The following AAR2 variants were observed in gnomAD, a reference collection of about 807,000 sequenced individuals.
The protein encoded by AAR2 is AAR2 splicing factor.
Under a neutral mutation model 26.9 loss-of-function variants are expected in AAR2, and 31 were observed. That is an observed-to-expected ratio of 1.15 (90% CI 0.86 to 1.55). The LOEUF is 1.55. AAR2 is among the 40% of genes most tolerant of loss of function. AAR2 has a pLI of 0.00. For synonymous variants in AAR2, 188 were observed against 196.1 expected (o/e 0.96, Z 0.34); for missense variants, 430 against 491.3 (o/e 0.88, Z 1.18).
In AAR2 at chr20:36,244,737, T is replaced by C. The variant is rs778970346; in HGVS notation, c.798T>C (p.Asn266=). 1 of 1,614,176 alleles carries C rather than the reference T, an allele frequency of 6.2e-7. No individual in the cohort carries two copies. The highest frequency in any genetic ancestry group is 1.7e-5 in the Admixed American group (1 of 60,022). ...CTTTTGTGTGCTTCCTGCTGGGGAA[T>C]GTGTACGAGGCATTTGAGCATTGGA... ...QFAFVCFLLG[N]VYEAFEHWKR... Residue 266 remains asparagine, a synonymous_variant, in exon 3 of 4, where the codon AAT becomes AAC. Transcript: ENST00000320849.
chr20:36,240,301 G>C lies in AAR2; in HGVS notation c.433G>C (p.Val145Leu). The change falls in exon 2 of 4, where the codon GTG becomes CTG. Residue 145 changes from valine (V) to leucine (L), a missense_variant. Val to Leu is a conservative substitution (Grantham distance 32, BLOSUM62 1). Coordinates refer to ENST00000320849, the MANE Select transcript of AAR2 (RefSeq NM_001271874.2). Reference sequence around the variant, plus strand: ...CACCAACTTCATCAGCGAAGCCACAGTGGAGAAGCTACAGCCCGAGAATCG... The same window carrying C: ...CACCAACTTCATCAGCGAAGCCACACTGGAGAAGCTACAGCCCGAGAATCG... ...SLTNFISEAT[V>L]EKLQPENRQI... 2 of 1,614,236 alleles carry C rather than the reference G, an allele frequency of 1.2e-6. No homozygotes were observed. Among genetic ancestry groups the C allele is most frequent in the Non-Finnish European group, 1.7e-6 (2 of 1,180,046 alleles).
chr20:36,237,647 G>C (rs1278102240), intron 1 of AAR2, among the ~76,000 whole-genome samples: 1 of 152,022 alleles, frequency 6.6e-6, no homozygotes, highest in Non-Finnish European at 1.5e-5. Context: ...TGTCACAAGG[G>C]AAAATGGCTA....
chr20:36,240,428 G>A lies in AAR2; in HGVS notation c.560G>A (p.Ser187Asn). 3 of 1,614,234 alleles carry A rather than the reference G, an allele frequency of 1.9e-6. No homozygotes were observed. The highest frequency in any genetic ancestry group is 2.2e-5 in the South Asian group (2 of 91,084). The change falls in exon 2 of 4, where the codon AGC becomes AAC. Residue 187 changes from serine to asparagine, a missense_variant. Transcript: ENST00000320849. The stretch of plus-strand genomic sequence containing the variant: ...CCCCGCTGTGGCATTGAGTGCAAAA[G>A]CTACCAAGAGGGCCTGGCCCGGCTA... Reference protein sequence around the residue: ...NLPRCGIECKSYQEGLARLPE... With the variant: ...NLPRCGIECKNYQEGLARLPE...
chr20:36,239,845 T>C lies in AAR2; in HGVS notation c.-24T>C. ...GCTGTTCATCAAAGAAAAAGGGTTC[T>C]TTTGGTCACCCACCACTGGCCCCAT... is the stretch of plus-strand genomic sequence containing the variant. On this transcript the variant is annotated 5_prime_UTR_variant, in exon 2 of 4. Coordinates refer to ENST00000320849, the MANE Select transcript of AAR2 (RefSeq NM_001271874.2). 6.5e-7 allele frequency: 1 copy of C among 1,531,240 alleles called. No homozygotes were observed. The highest frequency in any genetic ancestry group is 8.8e-7 in the Non-Finnish European group (1 of 1,138,696). 94.9% of individuals were successfully genotyped at this position (1,531,240 alleles called of 1,614,324 possible).
chr20:36,245,903 C>T (rs2064730052), intron 3 of AAR2, among the ~76,000 whole-genome samples: 1 of 152,164 alleles, frequency 6.6e-6, no homozygotes, highest in South Asian at 2.1e-4. Flanking sequence ...ACCTGTAGTC[C>T]TAGCCACTTG....
intron 1 of AAR2, among the ~76,000 whole-genome samples, chr20:36,237,474 A>G (rs952976482): frequency 2.6e-5 from 4 of 152,150 alleles, no homozygotes; most frequent in African/African-American, 9.7e-5. Flanking sequence ...TGTCAGTGAC[A>G]GGGGCTGGTA....
chr20:36,243,908 C>T (rs1253186638), intron 2 of AAR2, among the ~76,000 whole-genome samples: 1 of 152,226 alleles, frequency 6.6e-6, no homozygotes, highest in Non-Finnish European at 1.5e-5. Context: ...TCTTAGCCAC[C>T]AAGCTGCTCA....
intron 3 of AAR2, among the ~76,000 whole-genome samples, chr20:36,249,598 T>C (rs1204196744): frequency 6.6e-6 from 1 of 152,252 alleles, no homozygotes; most frequent in Non-Finnish European, 1.5e-5. Context: ...TTTATCACGA[T>C]GCCCACTATG....
intron 3 of AAR2, among the ~76,000 whole-genome samples, chr20:36,253,083 C>CA (rs1348283532): frequency 6.6e-6 from 1 of 152,012 alleles, no homozygotes; most frequent in Non-Finnish European, 1.5e-5. Context: ...CCTTCCCCCC[C>CA]ATCACCTCTC....
chr20:36,240,418 G>C lies in AAR2; in HGVS notation c.550G>C (p.Glu184Gln). 1.2e-6 allele frequency: 2 copies of C among 1,614,240 alleles called. No homozygotes were observed. The highest frequency in any genetic ancestry group is 1.7e-6 in the Non-Finnish European group (2 of 1,180,052). Residue 184 changes from glutamate (E) to glutamine (Q), a missense_variant, in exon 2 of 4, where the codon GAG becomes CAG. By Grantham distance (29) the Glu-to-Gln change is conservative. Coordinates refer to ENST00000320849, the MANE Select transcript of AAR2 (RefSeq NM_001271874.2). ...GCAGAATCTACCCCGCTGTGGCATT[G>C]AGTGCAAAAGCTACCAAGAGGGCCT... is the stretch of plus-strand genomic sequence containing the variant. Reference protein sequence around the residue: ...VGQNLPRCGIECKSYQEGLAR... With the variant: ...VGQNLPRCGIQCKSYQEGLAR...
At chr20:36,244,638 G>T (rs1160759728) in intron 2 of AAR2, 59 bp from the exon 3 acceptor site, 9 of 1,515,152 alleles carry the variant, frequency 5.9e-6, no homozygotes, top group Non-Finnish European at 8.2e-6. Context: ...AATAGTGATG[G>T]AGAGTGTCAG....
At position 36,255,725 on chromosome 20, in the gene AAR2, G is replaced by A. The variant is rs761860922; in HGVS notation, c.1135G>A (p.Glu379Lys). Residue 379 changes from glutamate (E) to lysine (K), a missense_variant, in exon 4 of 4, where the codon GAG becomes AAG. Coordinates refer to ENST00000320849, the MANE Select transcript of AAR2 (RefSeq NM_001271874.2). ...TGCCCCGGTGGTGGTGGAGCTCCCT[G>A]AGGGCATCGAGATGGGCTAACTCGG... ...DCAPVVVELP[E>K]GIEMG 257 of 1,613,952 alleles carry A rather than the reference G, an allele frequency of 1.6e-4. No homozygotes were observed. The highest frequency in any genetic ancestry group is 2.1e-4 in the Non-Finnish European group (250 of 1,180,016).
chr20:36,255,884 T>G lies in AAR2; in HGVS notation c.*139T>G. Reference sequence around the variant, plus strand: ...CTGCAAAGATGGAGCCAGAATTCCCTTTTTCACTGATAAATATATTTCTTC... The same window carrying G: ...CTGCAAAGATGGAGCCAGAATTCCCGTTTTCACTGATAAATATATTTCTTC... On this transcript the variant is annotated 3_prime_UTR_variant, in exon 4 of 4. Coordinates refer to ENST00000320849, the MANE Select transcript of AAR2 (RefSeq NM_001271874.2). 2.8e-6 allele frequency: 3 copies of G among 1,058,776 alleles called. No individual in the cohort carries two copies. In the South Asian group the frequency reaches 5.0e-5, roughly 18 times the overall value. 65.6% of individuals were successfully genotyped at this position (1,058,776 alleles called of 1,614,324 possible).
intron 2 of AAR2, among the ~76,000 whole-genome samples, chr20:36,241,578 T>G (rs539769855): frequency 2.3e-4 from 35 of 152,056 alleles, no homozygotes; most frequent in African/African-American, 8.2e-4. Flanking sequence ...CACCTGAGGT[T>G]AGGAGTTCGA....
intron 3 of AAR2, among the ~76,000 whole-genome samples, chr20:36,252,777 C>A (rs2064790033): frequency 6.6e-6 from 1 of 152,076 alleles, no homozygotes; most frequent in Non-Finnish European, 1.5e-5. Context: ...CAGCAGTCTC[C>A]CCACAACCTC....
Position 36,255,796 on chromosome 20 carries a change from C to T in AAR2, c.*51C>T, listed in dbSNP as rs762055624. On this transcript the variant is annotated 3_prime_UTR_variant, in exon 4 of 4. Transcript: ENST00000320849. ...GGGCCCCTTCCCACAGGGCTGCAGTCCTGGCCTCTCCATTTACTTCTTCCC... is the reference window on the plus strand; with the variant it reads ...GGGCCCCTTCCCACAGGGCTGCAGTTCTGGCCTCTCCATTTACTTCTTCCC... 1.4e-5 allele frequency: 23 copies of T among 1,595,890 alleles called. No individual in the cohort carries two copies. The highest frequency in any genetic ancestry group is 1.8e-5 in the Non-Finnish European group (21 of 1,169,620).
chr20:36,240,768 T>C (rs765263996), intron 2 of AAR2, 143 bp downstream of exon 2: 9 of 1,170,984 alleles, frequency 7.7e-6, no homozygotes, highest in Non-Finnish European at 1.1e-5. Flanking sequence ...GTCTTTACCC[T>C]TAGCCCTGGA....
intron 1 of AAR2, among the ~76,000 whole-genome samples, chr20:36,238,062 G>A (rs2064635579): frequency 6.6e-6 from 1 of 151,988 alleles, no homozygotes; most frequent in East Asian, 1.9e-4. Context: ...GTGATTACAG[G>A]CGTGAGCCAC....
intron 1 of AAR2, among the ~76,000 whole-genome samples, chr20:36,238,920 CAG>C (rs2064647544): frequency 6.6e-6 from 1 of 152,052 alleles, no homozygotes; most frequent in East Asian, 1.9e-4. Flanking sequence ...TGCAGGCACT[CAG>C]TGAGTATTTG....
Sources: gnomAD v4.1 joint callset for allele counts (sites outside exome capture counted in the v4.1 genomes callset) on GRCh38, gnomAD v4.1.1 for gene constraint, MANE v1.5 for transcripts, NCBI Gene and HGNC (gene_info 2026-07-23, HGNC 2026-07-21) for gene names.